FRMD6: variants seen among roughly 807,000 people sequenced by gnomAD.
FRMD6 encodes FERM domain containing 6.
Under a neutral mutation model 73.2 loss-of-function variants are expected in FRMD6, and 37 were observed. That is an observed-to-expected ratio of 0.51 (90% CI 0.39 to 0.66). FRMD6 has a LOEUF of 0.66. Ranked by LOEUF, FRMD6 falls within the 30% of genes least tolerant of loss-of-function variation. The pLI is 0.00. For synonymous variants in FRMD6, 273 were observed against 282.2 expected, an observed-to-expected ratio of 0.97 and a Z score of 0.33; for missense variants, 714 against 780.5, an observed-to-expected ratio of 0.91 and a Z score of 1.02.
At chr14:51,449,258 T>A in the FRMD6 span, among the ~76,000 whole-genome samples, 1 of 152,210 alleles carries the variant, frequency 6.6e-6, no homozygotes, top group African/African-American at 2.4e-5. Context: ...AAGCTCTCCC[T>A]GTGGCAGTCA....
chr14:51,534,831 A>G (rs898705486), intron 1 of FRMD6, among the ~76,000 whole-genome samples: 3 of 152,238 alleles, frequency 2.0e-5, no homozygotes, highest in Admixed American at 2.0e-4. Flanking sequence ...TTTTACAAAA[A>G]GCTGATGAGC....
At chr14:51,448,620 G>A in the FRMD6 span, among the ~76,000 whole-genome samples, 2 of 152,184 alleles carry the variant, frequency 1.3e-5, no homozygotes, top group South Asian at 2.1e-4. Context: ...TGGTCATTTA[G>A]CGCTTACAGT....
intron 2 of FRMD6, among the ~76,000 whole-genome samples, chr14:51,605,601 T>C (rs918777713): frequency 2.6e-5 from 4 of 152,158 alleles, no homozygotes; most frequent in Admixed American, 1.3e-4. Context: ...AGAGAGAATA[T>C]ATACCTTAAA....
At chr14:51,406,832 C>G in the FRMD6 span, among the ~76,000 whole-genome samples, 20 of 152,112 alleles carry the variant, frequency 1.3e-4, no homozygotes, top group Non-Finnish European at 2.1e-4. Context: ...TCTATGAAGG[C>G]CTTGTGCATC....
chr14:51,439,338 T>C, the FRMD6 span, among the ~76,000 whole-genome samples: 1 of 152,206 alleles, frequency 6.6e-6, no homozygotes, highest in Non-Finnish European at 1.5e-5. Context: ...CTCTAAGAGA[T>C]TGGCTCATTT....
chr14:51,411,928 G>A, the FRMD6 span, among the ~76,000 whole-genome samples: 3 of 152,026 alleles, frequency 2.0e-5, no homozygotes, highest in African/African-American at 7.2e-5. Flanking sequence ...TCAATTTGAA[G>A]GTATAACATT....
At chr14:51,406,249 G>T in the FRMD6 span, among the ~76,000 whole-genome samples, 1 of 152,092 alleles carries the variant, frequency 6.6e-6, no homozygotes, top group Non-Finnish European at 1.5e-5. Flanking sequence ...ATAGTTTGAT[G>T]TTGGGTAATA....
At chr14:51,594,935 G>T (rs527404458) in intron 2 of FRMD6, among the ~76,000 whole-genome samples, 12 of 152,344 alleles carry the variant, frequency 7.9e-5, no homozygotes, top group African/African-American at 2.9e-4. Flanking sequence ...TTCCTTTGGA[G>T]ATGGTGCCTT....
intron 1 of FRMD6, among the ~76,000 whole-genome samples, chr14:51,652,739 C>G (rs1892515983): frequency 6.6e-6 from 1 of 152,186 alleles, no homozygotes; most frequent in Non-Finnish European, 1.5e-5. Flanking sequence ...TGGCGGAGCC[C>G]CAGGCGAACA....
At chr14:51,462,445 A>G in the FRMD6 span, among the ~76,000 whole-genome samples, 1 of 152,098 alleles carries the variant, frequency 6.6e-6, no homozygotes, top group Non-Finnish European at 1.5e-5. Flanking sequence ...GCCTGCTTGA[A>G]CTGGCTCCTG....
chr14:51,665,031 T>C (rs74807214), intron 1 of FRMD6, among the ~76,000 whole-genome samples: 2 of 152,224 alleles, frequency 1.3e-5, no homozygotes, highest in East Asian at 3.8e-4. Context: ...TCCAGATCTC[T>C]TAGGGTGGAA....
chr14:51,593,892 A>G (rs1889548498), intron 2 of FRMD6, among the ~76,000 whole-genome samples: 1 of 151,670 alleles, frequency 6.6e-6, no homozygotes, highest in Non-Finnish European at 1.5e-5. Context: ...TATGAACCAC[A>G]CCCCCAACTC....
the FRMD6 span, among the ~76,000 whole-genome samples, chr14:51,447,713 A>T: frequency 6.6e-6 from 1 of 151,992 alleles, no homozygotes; most frequent in Non-Finnish European, 1.5e-5. Context: ...AAACAAAGGG[A>T]TCCTACCACT....
At chr14:51,437,432 A>T in the FRMD6 span, among the ~76,000 whole-genome samples, 91 of 152,258 alleles carry the variant, frequency 6.0e-4, no homozygotes, top group African/African-American at 2.1e-3. Context: ...CCTCCCGAGT[A>T]GCTGGGACTA....
Position 51,728,497 on chromosome 14 carries a change from T to C in FRMD6, c.*468T>C, listed in dbSNP as rs1268034930. ...CTCTCTTCTTTTAACAGAGAGATGATTGCTCTGTATACCCATTGCTTCCTC... is the reference window on the plus strand; with the variant it reads ...CTCTCTTCTTTTAACAGAGAGATGACTGCTCTGTATACCCATTGCTTCCTC... On this transcript the variant is annotated 3_prime_UTR_variant, in exon 14 of 14. Transcript: ENST00000344768. The C allele has an allele frequency of 5.8e-6, 1 of 172,824 alleles. No homozygotes were observed. Among genetic ancestry groups the C allele is most frequent in the Non-Finnish European group, 1.3e-5 (1 of 78,458 alleles). The allele number at this position is 172,824 out of a possible 1,614,324, so 10.7% of individuals were successfully genotyped here.
intron 1 of FRMD6, among the ~76,000 whole-genome samples, chr14:51,562,451 A>C (rs1002445224): frequency 6.6e-6 from 1 of 152,218 alleles, no homozygotes; most frequent in African/African-American, 2.4e-5. Context: ...CTGTGGAGAC[A>C]CAGTTTTGTA....
At chr14:51,447,847 C>T in the FRMD6 span, among the ~76,000 whole-genome samples, 1 of 152,292 alleles carries the variant, frequency 6.6e-6, no homozygotes, top group African/African-American at 2.4e-5. Context: ...TCTCAAAGCA[C>T]CTTACTTATA....
intron 2 of FRMD6, among the ~76,000 whole-genome samples, chr14:51,580,229 C>T (rs942121778): frequency 2.6e-5 from 4 of 152,100 alleles, no homozygotes; most frequent in African/African-American, 9.7e-5. Context: ...GGAATGTGGA[C>T]ACCTGCCCTG....
intron 1 of FRMD6, among the ~76,000 whole-genome samples, chr14:51,527,509 G>A (rs1286068132): frequency 2.0e-5 from 3 of 152,208 alleles, no homozygotes; most frequent in African/African-American, 7.2e-5. Context: ...CAGATAGGCA[G>A]ACCCATAAGG....
Sources: gnomAD v4.1 joint callset for allele counts (sites outside exome capture counted in the v4.1 genomes callset) on GRCh38, gnomAD v4.1.1 for gene constraint, MANE v1.5 for transcripts, NCBI Gene and HGNC (gene_info 2026-07-23, HGNC 2026-07-21) for gene names.